The following RERE variants were observed in gnomAD, a reference collection of about 807,000 sequenced individuals.
The protein encoded by RERE is arginine-glutamic acid dipeptide repeats protein.
Under a neutral mutation model 146.1 loss-of-function variants are expected in RERE, and 40 were observed. That is an observed-to-expected ratio of 0.27 (90% CI 0.21 to 0.36). The LOEUF (loss-of-function observed/expected upper bound fraction) is 0.36. RERE is among the 10% of genes least tolerant of loss of function. The pLI, the probability that RERE is intolerant of heterozygous loss-of-function variation, is 1.00. For missense variants in RERE, 1,933 were observed against 2,138.7 expected, an observed-to-expected ratio of 0.90 and a Z score of 1.90; for synonymous variants, 1,003 against 866.0, an observed-to-expected ratio of 1.16 and a Z score of -2.78.
rs866918582 is a variant in RERE, at chr1:8,501,035, G to C, written c.880-3506C>G. Reference sequence around the variant, plus strand: ...CCGGCAGCCACCCCGTCCGGGAGGGGGGGGGGGGGTCAGCCCCCCGCCCGG... The same window carrying C: ...CCGGCAGCCACCCCGTCCGGGAGGGCGGGGGGGGGTCAGCCCCCCGCCCGG... On this transcript the variant is annotated intron_variant, in intron 8 of 22. Transcript: ENST00000400908. Among the ~76,000 whole-genome samples, 9 of 122,572 alleles carry C rather than the reference G, an allele frequency of 7.3e-5. 3 individuals are homozygous for C. Among genetic ancestry groups the C allele is most frequent in the Admixed American group, 2.3e-4 (3 of 13,318 alleles). 80.4% of individuals were successfully genotyped at this position (122,572 alleles called of 152,430 possible).
intron 10 of RERE, among the ~76,000 whole-genome samples, chr1:8,479,385 CA>C (rs1326347730): frequency 6.6e-6 from 1 of 150,698 alleles, no homozygotes; most frequent in Non-Finnish European, 1.5e-5. Flanking sequence ...TGTGGTAGGC[CA>C]AAAAATGACC....
At chr1:8,363,157 C>T (rs983910701) in intron 15 of RERE, among the ~76,000 whole-genome samples, 7 of 152,226 alleles carry the variant, frequency 4.6e-5, no homozygotes, top group African/African-American at 1.2e-4. Flanking sequence ...GGCAGAAAGT[C>T]GCCTGGGGCC....
chr1:8,454,769 T>C lies in RERE; in HGVS notation c.1203+11156A>G, dbSNP rs189758553. Among the ~76,000 whole-genome samples the C allele has an allele frequency of 2.6e-5, 4 of 151,960 alleles. No individual in the cohort carries two copies. In the East Asian group the frequency reaches 7.8e-4, roughly 29 times the overall value. ...GCAGTGAGCCAAGATCGCACCACTGTACTCCAGCCTGGGCGACAGGGTAAG... is the reference window on the plus strand; with the variant it reads ...GCAGTGAGCCAAGATCGCACCACTGCACTCCAGCCTGGGCGACAGGGTAAG... On this transcript the variant is annotated intron_variant, in intron 11 of 22. Transcript: ENST00000400908.
chr1:8,659,939 AATAAAG>A (rs1233079114), intron 1 of RERE, among the ~76,000 whole-genome samples: 1 of 152,188 alleles, frequency 6.6e-6, no homozygotes, highest in Non-Finnish European at 1.5e-5. Context: ...TTCAAGAAAC[AATAAAG>A]ATGTCTATAA....
intron 1 of RERE, among the ~76,000 whole-genome samples, chr1:8,758,387 CT>C (rs34187776): frequency 0.24 from 32,298 of 132,036 alleles, 3,796 homozygotes; most frequent in Middle Eastern, 0.29. Flanking sequence ...GGCCCTCAAT[CT>C]TTTTTTTTTT....
chr1:8,608,375 A>G (rs1646748548), intron 4 of RERE, among the ~76,000 whole-genome samples: 2 of 152,106 alleles, frequency 1.3e-5, no homozygotes, highest in African/African-American at 2.4e-5. Context: ...TAGGTAGCAT[A>G]CACCTATAGT....
chr1:8,611,108 T>C lies in RERE; in HGVS notation c.522+3453A>G, dbSNP rs1399284562. Among the ~76,000 whole-genome samples, 4 of 152,020 alleles carry C rather than the reference T, an allele frequency of 2.6e-5. No homozygotes were observed. In the East Asian group the frequency reaches 5.8e-4, roughly 22 times the overall value. On this transcript the variant is annotated intron_variant, in intron 4 of 22. Transcript: ENST00000400908. ...TACTCGGGAAGCTGAGGCAGGAGAA[T>C]TGCTTGAACCCGGGAGGCGGAGGTT...
At chr1:8,810,772 A>G (rs1056145290) in intron 1 of RERE, among the ~76,000 whole-genome samples, 4 of 152,204 alleles carry the variant, frequency 2.6e-5, no homozygotes, top group Admixed American at 2.6e-4. Context: ...CCTCTATAGT[A>G]TAAAATGTTT....
intron 7 of RERE, among the ~76,000 whole-genome samples, chr1:8,518,937 A>C (rs554090066): frequency 1.4e-3 from 207 of 152,330 alleles, no homozygotes; most frequent in African/African-American, 4.7e-3. Context: ...TAAATAAATA[A>C]ACAAATAAAC....
chr1:8,711,665 G>A (rs912044463), intron 1 of RERE, among the ~76,000 whole-genome samples: 2 of 152,162 alleles, frequency 1.3e-5, no homozygotes, highest in African/African-American at 4.8e-5. Flanking sequence ...TCAATGGGAT[G>A]TTTAAAATGA....
rs1641545611 is a variant in RERE at position 8,360,919 on chromosome 1, A to C, written c.2588T>G (p.Leu863Arg). ...GPHSLQAGPL[L>R]QHPGPPQPFG... ...GGGCTGTGGGGGGCCTGGGTGCTGC[A>C]GCAGGGGCCCAGCCTGCAGGCTGTG... Residue 863 changes from leucine to arginine, a missense_variant, in exon 18 of 23, where the codon CTG (leucine) becomes CGG (arginine). Coordinates refer to ENST00000400908, the MANE Select transcript of RERE (RefSeq NM_001042681.2). 2.0e-6 allele frequency: 3 copies of C among 1,482,674 alleles called. No homozygotes were observed. The highest frequency in any genetic ancestry group is 8.9e-7 in the Non-Finnish European group (1 of 1,123,542). The allele number at this position is 1,482,674 out of a possible 1,614,324, so 91.8% of individuals were successfully genotyped here. A position where few individuals can be genotyped will look rare whatever the true frequency, so the allele number is the denominator to read the frequency against.
intron 7 of RERE, among the ~76,000 whole-genome samples, chr1:8,522,644 G>C (rs1226230423): frequency 6.6e-6 from 1 of 152,128 alleles, no homozygotes; most frequent in East Asian, 1.9e-4. Context: ...GGCTGAGGCA[G>C]GCAGATCACC....
chr1:8,441,119 G>A (rs187951204), intron 11 of RERE, among the ~76,000 whole-genome samples: 18 of 151,818 alleles, frequency 1.2e-4, no homozygotes, highest in Admixed American at 5.3e-4. Context: ...TATGCAGCCC[G>A]GTTTCCTGCC....
At chr1:8,409,516 A>C (rs1199741831) in intron 12 of RERE, among the ~76,000 whole-genome samples, 1 of 152,236 alleles carries the variant, frequency 6.6e-6, no homozygotes, top group Admixed American at 6.5e-5. Context: ...ACTGACAGCA[A>C]ATCCCAAAGC....
At position 8,364,901 on chromosome 1, in the gene RERE, C is replaced by T. The variant is rs1269430825; in HGVS notation, c.1448-63G>A. 2.4e-5 allele frequency: 2 copies of T among 82,150 alleles called. No homozygotes were observed. Among genetic ancestry groups the T allele is most frequent in the Admixed American group, 2.0e-4 (1 of 5,066 alleles). The allele number at this position is 82,150 out of a possible 1,614,324, so 5.1% of individuals were successfully genotyped here. A position where few individuals can be genotyped will look rare whatever the true frequency, so the allele number is the denominator to read the frequency against. On this transcript the variant is annotated intron_variant, in intron 13 of 22. Transcript: ENST00000400908. The surrounding 1 kb of genome is among the most constrained non-coding windows in gnomAD (Gnocchi z 5.1). ...ACCATCATGCTCAGCCAAGGCTGGG[C>T]CGGTGGGGTGGGGGGGAGGGGGGAA...
chr1:8,651,383 C>G (rs1320997438), intron 2 of RERE, among the ~76,000 whole-genome samples: 1 of 152,078 alleles, frequency 6.6e-6, no homozygotes, highest in East Asian at 1.9e-4. Flanking sequence ...ACCCTCCAGT[C>G]TGAGCGACAG....
chr1:8,652,732 T>C (rs951947289), intron 2 of RERE, among the ~76,000 whole-genome samples: 2 of 152,178 alleles, frequency 1.3e-5, no homozygotes, highest in African/African-American at 4.8e-5. Context: ...TGGCGGAAAC[T>C]GCCCCCATGA....
chr1:8,804,424 A>C (rs572029917), intron 1 of RERE, among the ~76,000 whole-genome samples: 13 of 152,308 alleles, frequency 8.5e-5, no homozygotes, highest in African/African-American at 3.1e-4. Context: ...AAATGTGTTA[A>C]TACTACATTA....
At chr1:8,463,463 C>A (rs996206043) in intron 11 of RERE, among the ~76,000 whole-genome samples, 1 of 152,136 alleles carries the variant, frequency 6.6e-6, no homozygotes, top group African/African-American at 2.4e-5. Flanking sequence ...CAAAACTTCC[C>A]TCTCAGCTCA....
Sources: gnomAD v4.1 joint callset for allele counts (sites outside exome capture counted in the v4.1 genomes callset) on GRCh38, gnomAD v4.1.1 for gene constraint, Gnocchi (gnomAD v3.1) non-coding constraint, MANE v1.5 for transcripts, NCBI Gene and HGNC (gene_info 2026-07-23, HGNC 2026-07-21) for gene names.